Variants in UBTD1 observed in about 807,000 individuals in gnomAD.
UBTD1 encodes ubiquitin domain-containing protein 1.
A neutral mutation model predicts 21.7 loss-of-function variants in UBTD1; 19 were observed. That is an observed-to-expected ratio of 0.87 (90% CI 0.61 to 1.28). The LOEUF is 1.28. Ranked by LOEUF, UBTD1 falls within the 50% of genes most tolerant of loss-of-function variation. The probability of loss-of-function intolerance (pLI) is 0.00; values close to 1 mark genes in which losing one functional copy is unlikely to be tolerated. For synonymous variants in UBTD1, 116 were observed against 135.1 expected, an observed-to-expected ratio of 0.86 and a Z score of 0.98; for missense variants, 282 against 315.1, an observed-to-expected ratio of 0.89 and a Z score of 0.80.
chr10:97,505,081 C>T (rs1206076153), intron 1 of UBTD1, among the ~76,000 whole-genome samples: 3 of 152,054 alleles, frequency 2.0e-5, no homozygotes, highest in Non-Finnish European at 2.9e-5. Flanking sequence ...GTCCTTAACT[C>T]GCAGGGCAGG....
intron 1 of UBTD1, among the ~76,000 whole-genome samples, chr10:97,513,935 C>T (rs2040432596): frequency 6.6e-6 from 1 of 152,018 alleles, no homozygotes; most frequent in Non-Finnish European, 1.5e-5. Context: ...TGGTCTCAAA[C>T]TCCTGGCCAC....
At position 97,570,023 on chromosome 10, in the gene UBTD1, A is replaced by G; in HGVS notation, c.299-115A>G. On this transcript the variant is annotated intron_variant, in intron 2 of 2. Coordinates refer to ENST00000370664, the MANE Select transcript of UBTD1 (RefSeq NM_024954.5). This position sits in a 1 kb window ranked among gnomAD's most constrained non-coding sequence, Gnocchi z 6.6. ...TTATTTCTGTATAGGCCCCATGTCC[A>G]AATACAGTCACATTGGGGGTTAGAG... 7.0e-7 allele frequency: 1 copy of G among 1,421,662 alleles called. No individual in the cohort carries two copies. Among genetic ancestry groups the G allele is most frequent in the South Asian group, 1.3e-5 (1 of 74,476 alleles). 88.1% of individuals were successfully genotyped at this position (1,421,662 alleles called of 1,614,324 possible). A position where few individuals can be genotyped will look rare whatever the true frequency, so the allele number is the denominator to read the frequency against.
intron 1 of UBTD1, among the ~76,000 whole-genome samples, chr10:97,552,024 G>A (rs558690988): frequency 6.6e-5 from 10 of 151,900 alleles, no homozygotes; most frequent in African/African-American, 2.4e-4. Flanking sequence ...TTATCCTCCC[G>A]CCTCAGTCTC....
At chr10:97,554,246 C>T (rs1383097890) in intron 1 of UBTD1, among the ~76,000 whole-genome samples, 23 of 96,326 alleles carry the variant, frequency 2.4e-4, no homozygotes, top group Admixed American at 6.9e-4. Flanking sequence ...TGTTTGTTTT[C>T]GTTTTTTTTT....
chr10:97,538,251 GGAGGCTGAGGTGAGAGGATCCCTT>G lies in UBTD1; in HGVS notation c.71-29656_71-29633del, dbSNP rs933404736. 3.9e-5 allele frequency among the ~76,000 whole-genome samples: 6 copies of G among 152,158 alleles called. No individual in the cohort carries two copies. The South Asian group carries it at 1.2e-3, about 32-fold the overall frequency. ...TCGCACCTGTAATCTCTGTACTTTG[GGAGGCTGAGGTGAGAGGATCCCTT>G]GAGGCTAGGGGTTTAAGACCAACCT... is the stretch of plus-strand genomic sequence containing the variant. On this transcript the variant is annotated intron_variant, in intron 1 of 2. Transcript: ENST00000370664.
intron 1 of UBTD1, among the ~76,000 whole-genome samples, chr10:97,527,222 A>AT (rs2040493589): frequency 7.2e-6 from 1 of 139,550 alleles, no homozygotes; most frequent in South Asian, 2.4e-4. Context: ...GCGGTGGCTT[A>AT]TGCCTATAAT....
chr10:97,516,593 G>A (rs1263079251), intron 1 of UBTD1, among the ~76,000 whole-genome samples: 1 of 151,690 alleles, frequency 6.6e-6, no homozygotes, highest in African/African-American at 2.4e-5. Context: ...GGCTAACGTG[G>A]TGAAACCCCG....
At chr10:97,530,180 A>G (rs550100909) in intron 1 of UBTD1, among the ~76,000 whole-genome samples, 1 of 151,380 alleles carries the variant, frequency 6.6e-6, no homozygotes, top group African/African-American at 2.4e-5. Flanking sequence ...GGTGCATACT[A>G]GAAGCTCAAT....
At chr10:97,507,323 A>G (rs2040403304) in intron 1 of UBTD1, among the ~76,000 whole-genome samples, 1 of 152,146 alleles carries the variant, frequency 6.6e-6, no homozygotes, top group South Asian at 2.1e-4. Flanking sequence ...CTGGGAAAAC[A>G]GACATCTGAG....
intron 1 of UBTD1, among the ~76,000 whole-genome samples, chr10:97,561,868 C>T (rs1186741152): frequency 6.6e-6 from 1 of 152,230 alleles, no homozygotes; most frequent in Admixed American, 6.5e-5. Flanking sequence ...AATGTTCCTT[C>T]TCACCACGAG....
intron 1 of UBTD1, among the ~76,000 whole-genome samples, chr10:97,505,247 G>C (rs1322415337): frequency 6.6e-6 from 1 of 152,092 alleles, no homozygotes; most frequent in East Asian, 1.9e-4. Flanking sequence ...TTCTTACCCA[G>C]CCATTAGAAA....
intron 1 of UBTD1, among the ~76,000 whole-genome samples, chr10:97,561,433 C>T (rs2040692246): frequency 6.6e-6 from 1 of 152,146 alleles, no homozygotes; most frequent in Admixed American, 6.5e-5. Flanking sequence ...ATCCGAGCTC[C>T]CTGAATGCAC....
At chr10:97,500,120 C>T (rs1030212275) in intron 1 of UBTD1, among the ~76,000 whole-genome samples, 2 of 152,232 alleles carry the variant, frequency 1.3e-5, no homozygotes, top group African/African-American at 4.8e-5. Flanking sequence ...GGACCCATCT[C>T]CTACTCTGTG....
At chr10:97,544,931 G>A (rs2040601993) in intron 1 of UBTD1, among the ~76,000 whole-genome samples, 1 of 152,074 alleles carries the variant, frequency 6.6e-6, no homozygotes, top group African/African-American at 2.4e-5. Flanking sequence ...ATGTTGAGTA[G>A]GCTGAGGAGG....
At chr10:97,537,998 A>G (rs1174944716) in intron 1 of UBTD1, among the ~76,000 whole-genome samples, 1 of 151,366 alleles carries the variant, frequency 6.6e-6, no homozygotes, top group Admixed American at 6.6e-5. Context: ...GCTAATTTTC[A>G]TATTTTAAGT....
chr10:97,510,901 T>C (rs2040420969), intron 1 of UBTD1, among the ~76,000 whole-genome samples: 1 of 152,196 alleles, frequency 6.6e-6, no homozygotes, highest in South Asian at 2.1e-4. Flanking sequence ...GAGGCTACTT[T>C]TCTAGGCTAT....
chr10:97,526,894 G>C (rs1438520634), intron 1 of UBTD1, among the ~76,000 whole-genome samples: 4 of 148,722 alleles, frequency 2.7e-5, no homozygotes, highest in Non-Finnish European at 3.0e-5. Flanking sequence ...CTCTTAGGCC[G>C]AGCGTGGTGG....
chr10:97,539,297 C>T (rs980581983), intron 1 of UBTD1, among the ~76,000 whole-genome samples: 1 of 152,072 alleles, frequency 6.6e-6, no homozygotes, highest in African/African-American at 2.4e-5. Context: ...TCACTAACTT[C>T]GAAAAAAAGT....
At chr10:97,499,574 C>G (rs1447131154) in intron 1 of UBTD1, among the ~76,000 whole-genome samples, 1 of 152,122 alleles carries the variant, frequency 6.6e-6, no homozygotes, top group Non-Finnish European at 1.5e-5. Flanking sequence ...GGGAGGAGGC[C>G]GGGGGCGAGG....
Sources: gnomAD v4.1 joint callset for allele counts (sites outside exome capture counted in the v4.1 genomes callset) on GRCh38, gnomAD v4.1.1 for gene constraint, Gnocchi (gnomAD v3.1) non-coding constraint, MANE v1.5 for transcripts, NCBI Gene and HGNC (gene_info 2026-07-23, HGNC 2026-07-21) for gene names.